SLC39A11: variants seen among roughly 807,000 people sequenced by gnomAD.
SLC39A11 encodes the protein zinc transporter ZIP11.
In SLC39A11, 33 loss-of-function variants were observed where a neutral mutation model predicts 36.1. The observed-to-expected ratio is 0.91, with a 90% CI of 0.69 to 1.22. SLC39A11 has a LOEUF of 1.22. Ranked by LOEUF, SLC39A11 falls within the 50% of genes most tolerant of loss-of-function variation. The pLI is 0.00. For missense variants in SLC39A11, 432 were observed against 430.3 expected (o/e 1.00, Z -0.03); for synonymous variants, 166 against 170.3 (o/e 0.97, Z 0.20).
chr17:72,662,403 G>C (rs1349433774), intron 7 of SLC39A11, among the ~76,000 whole-genome samples: 1 of 120,450 alleles, frequency 8.3e-6, no homozygotes, highest in East Asian at 2.4e-4. Flanking sequence ...AAAGAAGGAG[G>C]GAAGAAAGAA....
chr17:72,875,604 G>A (rs1179701468), intron 5 of SLC39A11, among the ~76,000 whole-genome samples: 3 of 152,188 alleles, frequency 2.0e-5, no homozygotes. Flanking sequence ...GCATGTTTAT[G>A]CGTGTGTCTG....
intron 7 of SLC39A11, among the ~76,000 whole-genome samples, chr17:72,726,519 C>T (rs2073940511): frequency 1.3e-5 from 2 of 152,108 alleles, no homozygotes; most frequent in Non-Finnish European, 2.9e-5. Flanking sequence ...TACACACACA[C>T]ACAAACACAC....
chr17:72,846,016 C>T lies in SLC39A11; in HGVS notation c.601+3618G>A, dbSNP rs868652825. 4.3e-3 allele frequency among the ~76,000 whole-genome samples: 368 copies of T among 85,234 alleles called. 1 individual carries two copies. Among genetic ancestry groups the T allele is most frequent in the African/African-American group, 0.016 (319 of 20,082 alleles). The allele number at this position is 85,234 out of a possible 152,430, so 55.9% of individuals were successfully genotyped here. A position where few individuals can be genotyped will look rare whatever the true frequency, so the allele number is the denominator to read the frequency against. ...AACCAATGAATCTCTCTCTCTCTCT[C>T]TCTTTTTTTTTTTTTTTTTTTTTTT... On this transcript the variant is annotated intron_variant, in intron 6 of 9. Transcript: ENST00000255559.
intron 5 of SLC39A11, among the ~76,000 whole-genome samples, chr17:72,920,820 T>C (rs2083623548): frequency 8.4e-6 from 1 of 119,512 alleles, no homozygotes; most frequent in Admixed American, 8.2e-5. Flanking sequence ...ACCCTATCTA[T>C]AACTACACCC....
chr17:72,931,389 G>A (rs900186680), intron 5 of SLC39A11, among the ~76,000 whole-genome samples: 5 of 152,214 alleles, frequency 3.3e-5, no homozygotes, highest in African/African-American at 1.2e-4. Flanking sequence ...AGCCAAGAGA[G>A]CTGCAGCCGC....
intron 7 of SLC39A11, among the ~76,000 whole-genome samples, chr17:72,705,121 C>T (rs1224683922): frequency 2.0e-5 from 3 of 152,202 alleles, no homozygotes; most frequent in South Asian, 2.1e-4. Context: ...GGTCCATGAA[C>T]CAGTAAATTC....
intron 5 of SLC39A11, among the ~76,000 whole-genome samples, chr17:72,934,906 G>A (rs755543014): frequency 2.0e-4 from 30 of 152,204 alleles, no homozygotes; most frequent in Non-Finnish European, 3.7e-4. Context: ...AAGGGCTAGT[G>A]AGGGTGCAGA....
intron 4 of SLC39A11, among the ~76,000 whole-genome samples, chr17:72,958,200 T>C (rs1441011505): frequency 6.6e-6 from 1 of 152,214 alleles, no homozygotes; most frequent in East Asian, 1.9e-4. Context: ...TCTCTCACCT[T>C]ATACAAAAAT....
chr17:72,846,018 C>CTTTTTCT, intron 6 of SLC39A11, among the ~76,000 whole-genome samples: 1 of 57,956 alleles, frequency 1.7e-5, no homozygotes, highest in South Asian at 6.9e-4. Context: ...CTCTCTCTCT[C>CTTTTTCT]TTTTTTTTTT....
chr17:72,999,822 C>T (rs982728621), intron 4 of SLC39A11, among the ~76,000 whole-genome samples: 2 of 152,176 alleles, frequency 1.3e-5, no homozygotes, highest in African/African-American at 4.8e-5. Context: ...CTCACTGCAA[C>T]CTCTGCCTCC....
intron 4 of SLC39A11, among the ~76,000 whole-genome samples, chr17:72,975,079 G>A (rs2087747286): frequency 6.6e-6 from 1 of 152,160 alleles, no homozygotes; most frequent in Non-Finnish European, 1.5e-5. Flanking sequence ...CCACCGTTGA[G>A]TAATGCATGA....
chr17:72,797,167 G>A (rs551260367), intron 6 of SLC39A11, among the ~76,000 whole-genome samples: 1 of 152,252 alleles, frequency 6.6e-6, no homozygotes, highest in Admixed American at 6.5e-5. Flanking sequence ...TTACCATCTT[G>A]CTGAGGATGT....
At chr17:72,693,350 C>G (rs2144465222) in intron 7 of SLC39A11, among the ~76,000 whole-genome samples, 1 of 152,272 alleles carries the variant, frequency 6.6e-6, no homozygotes, top group South Asian at 2.1e-4. Context: ...TTCCTTTCCT[C>G]TCTCCTCCCC....
chr17:72,892,563 G>A (rs552320910), intron 5 of SLC39A11, among the ~76,000 whole-genome samples: 15 of 152,222 alleles, frequency 9.9e-5, no homozygotes, highest in East Asian at 3.9e-4. Context: ...TGTATGGTTC[G>A]TTTCAAATTC....
intron 6 of SLC39A11, among the ~76,000 whole-genome samples, chr17:72,756,121 A>G (rs1198529498): frequency 6.6e-6 from 1 of 152,244 alleles, no homozygotes; most frequent in Non-Finnish European, 1.5e-5. Flanking sequence ...TGGCACAGCC[A>G]GTGTGGAAAA....
chr17:72,714,978 A>G (rs1434448862), intron 7 of SLC39A11, among the ~76,000 whole-genome samples: 1 of 152,208 alleles, frequency 6.6e-6, no homozygotes, highest in Non-Finnish European at 1.5e-5. Flanking sequence ...TTCACCTCGC[A>G]TCTTGCATCC....
intron 4 of SLC39A11, among the ~76,000 whole-genome samples, chr17:72,966,868 C>T (rs1030105227): frequency 1.1e-4 from 17 of 152,206 alleles, no homozygotes; most frequent in African/African-American, 1.7e-4. Context: ...CACGCCCGGC[C>T]GCTTCATCTG....
rs369510171 is a variant in SLC39A11 at position 72,849,623 on chromosome 17, C to G, written c.601+11G>C. ...AGGCAGTGGCTGTCACGCTCACGGG[C>G]AAGACCTCACCTGGAACGTTGTGTA... On this transcript the variant is annotated intron_variant, in intron 6 of 9. Coordinates refer to ENST00000255559, the MANE Select transcript of SLC39A11 (RefSeq NM_139177.4). 38 of 1,481,286 alleles carry G rather than the reference C, an allele frequency of 2.6e-5. No homozygotes were observed. In the African/African-American group the frequency reaches 4.7e-4, roughly 18 times the overall value. 91.8% of individuals were successfully genotyped at this position (1,481,286 alleles called of 1,614,324 possible). A position where few individuals can be genotyped will look rare whatever the true frequency, so the allele number is the denominator to read the frequency against.
intron 4 of SLC39A11, among the ~76,000 whole-genome samples, chr17:73,014,979 C>T (rs2090729439): frequency 6.6e-6 from 1 of 152,202 alleles, no homozygotes; most frequent in African/African-American, 2.4e-5. Context: ...ACTCAGGTAC[C>T]TCACTGTCAA....
Sources: allele counts gnomAD v4.1 joint callset (sites outside exome capture counted in the v4.1 genomes callset), GRCh38; gene constraint gnomAD v4.1.1; transcripts MANE v1.5; gene names NCBI Gene and HGNC (gene_info 2026-07-23, HGNC 2026-07-21).